Variants in ITGA8 observed in about 807,000 individuals in gnomAD.
ITGA8 encodes integrin subunit alpha 8, also known as integrin alpha-8.
ITGA8 carries 91 observed loss-of-function variants against 142.3 expected under a neutral mutation model. The ratio of observed to expected loss-of-function variants is 0.64; its 90% CI spans 0.54 to 0.76. ITGA8 has a LOEUF of 0.76. ITGA8 is among the 30% of genes least tolerant of loss of function. The probability of loss-of-function intolerance (pLI) is 0.00; values close to 1 mark genes in which losing one functional copy is unlikely to be tolerated. For synonymous variants in ITGA8, 505 were observed against 485.2 expected (o/e 1.04, Z -0.54); for missense variants, 1,406 against 1,327.7 (o/e 1.06, Z -0.92).
intron 23 of ITGA8, among the ~76,000 whole-genome samples, chr10:15,584,297 AAAAG>A (rs1435385593): frequency 1.0e-3 from 113 of 111,800 alleles, no homozygotes; most frequent in Admixed American, 2.3e-3. Context: ...ACTGTCAAGA[AAAAG>A]AAAAGAAAAG....
intron 27 of ITGA8, among the ~76,000 whole-genome samples, chr10:15,545,033 A>G (rs1337222991): frequency 6.6e-6 from 1 of 152,178 alleles, no homozygotes; most frequent in African/African-American, 2.4e-5. Context: ...GAGACACTGA[A>G]CCAGAATCAC....
At chr10:15,518,048 T>C (rs1832995922) in intron 29 of ITGA8, among the ~76,000 whole-genome samples, 1 of 152,238 alleles carries the variant, frequency 6.6e-6, no homozygotes. Flanking sequence ...AGAATAGATT[T>C]GTCACTTATT....
intron 13 of ITGA8, among the ~76,000 whole-genome samples, chr10:15,621,683 G>T (rs185009552): frequency 1.2e-4 from 18 of 152,260 alleles, no homozygotes; most frequent in Admixed American, 3.3e-4. Context: ...CAAAGGGGAA[G>T]ATGAGGAAGA....
intron 2 of ITGA8, among the ~76,000 whole-genome samples, chr10:15,705,403 C>T (rs1835239471): frequency 6.6e-6 from 1 of 152,148 alleles, no homozygotes; most frequent in Non-Finnish European, 1.5e-5. Flanking sequence ...GCAGCTCATC[C>T]TCAGTTGTTT....
intron 22 of ITGA8, among the ~76,000 whole-genome samples, chr10:15,588,219 C>T (rs771530988): frequency 1.3e-4 from 20 of 152,244 alleles, no homozygotes; most frequent in South Asian, 2.1e-4. Context: ...AAGCAGGAGG[C>T]GGCAGAATTG....
At chr10:15,640,203 C>T (rs532770277) in intron 13 of ITGA8, among the ~76,000 whole-genome samples, 21 of 152,184 alleles carry the variant, frequency 1.4e-4, no homozygotes, top group Non-Finnish European at 2.8e-4. Flanking sequence ...AAACAAAGGG[C>T]CTCAATCCCC....
chr10:15,554,320 T>C (rs1230321043), intron 26 of ITGA8, among the ~76,000 whole-genome samples: 1 of 152,148 alleles, frequency 6.6e-6, no homozygotes, highest in African/African-American at 2.4e-5. Context: ...AGTTCAGAAC[T>C]GCAGGAGAGG....
intron 28 of ITGA8, among the ~76,000 whole-genome samples, chr10:15,521,885 G>A (rs1833079068): frequency 6.6e-6 from 1 of 152,178 alleles, no homozygotes; most frequent in Non-Finnish European, 1.5e-5. Context: ...TCATTCATAA[G>A]TGGGAGCTAA....
intron 21 of ITGA8, among the ~76,000 whole-genome samples, chr10:15,594,675 C>T (rs774109899): frequency 6.6e-6 from 1 of 151,874 alleles, no homozygotes; most frequent in African/African-American, 2.4e-5. Context: ...CCAGCTACTC[C>T]GGAGGCTGAG....
At chr10:15,657,489 G>A (rs1288604882) in intron 10 of ITGA8, among the ~76,000 whole-genome samples, 6 of 137,760 alleles carry the variant, frequency 4.4e-5, no homozygotes, top group Non-Finnish European at 9.5e-5. Flanking sequence ...AAAACCTGCT[G>A]GTTTCTTTTT....
At chr10:15,562,976 A>G (rs1834010655) in intron 25 of ITGA8, among the ~76,000 whole-genome samples, 1 of 152,220 alleles carries the variant, frequency 6.6e-6, no homozygotes, top group Non-Finnish European at 1.5e-5. Context: ...GGCTTGGGCC[A>G]TCCCATTGGC....
intron 28 of ITGA8, among the ~76,000 whole-genome samples, chr10:15,521,758 C>T (rs190985330): frequency 5.0e-4 from 76 of 152,310 alleles, no homozygotes; most frequent in Non-Finnish European, 1.0e-3. Flanking sequence ...GGATGAGAAA[C>T]GTAGTTCATA....
chr10:15,705,742 A>G (rs560338548), intron 2 of ITGA8, among the ~76,000 whole-genome samples: 13 of 152,334 alleles, frequency 8.5e-5, no homozygotes, highest in Admixed American at 6.5e-5. Flanking sequence ...AGTCATCAAT[A>G]ACCTTCAGCT....
At chr10:15,629,264 C>T (rs1404444514) in intron 13 of ITGA8, among the ~76,000 whole-genome samples, 1 of 151,992 alleles carries the variant, frequency 6.6e-6, no homozygotes, top group Non-Finnish European at 1.5e-5. Flanking sequence ...TACATGCCTC[C>T]CCCATATTTT....
At chr10:15,684,801 G>A (rs1410912650) in intron 3 of ITGA8, among the ~76,000 whole-genome samples, 1 of 152,088 alleles carries the variant, frequency 6.6e-6, no homozygotes, top group Non-Finnish European at 1.5e-5. Context: ...TGTAAACAGT[G>A]AATTAATCAG....
At chr10:15,620,879 A>C (rs1833478836) in intron 13 of ITGA8, among the ~76,000 whole-genome samples, 1 of 152,226 alleles carries the variant, frequency 6.6e-6, no homozygotes, top group Non-Finnish European at 1.5e-5. Flanking sequence ...TGGAGTGTGT[A>C]TATTTATGTG....
chr10:15,634,898 A>G (rs987227396), intron 13 of ITGA8, among the ~76,000 whole-genome samples: 1 of 152,054 alleles, frequency 6.6e-6, no homozygotes, highest in East Asian at 1.9e-4. Flanking sequence ...GGAAGAGTTT[A>G]TAAGGGTCTA....
intron 25 of ITGA8, among the ~76,000 whole-genome samples, chr10:15,559,031 T>C (rs954017286): frequency 2.6e-5 from 4 of 152,192 alleles, no homozygotes; most frequent in Admixed American, 2.0e-4. Flanking sequence ...ACAGGAGCAA[T>C]AATAGTATGC....
chr10:15,658,910 T>C, intron 10 of ITGA8, 89 bp downstream of exon 10: 1 of 908,580 alleles, frequency 1.1e-6, no homozygotes, highest in Non-Finnish European at 1.7e-6. Flanking sequence ...CATTAAATAT[T>C]TGTCAAATGG....
Sources: allele counts gnomAD v4.1 joint callset (sites outside exome capture counted in the v4.1 genomes callset), GRCh38; gene constraint gnomAD v4.1.1; transcripts MANE v1.5; gene names NCBI Gene and HGNC (gene_info 2026-07-23, HGNC 2026-07-21).